The following MAST4 variants were observed in gnomAD, a reference collection of about 807,000 sequenced individuals.
MAST4 encodes microtubule-associated serine/threonine-protein kinase 4.
In MAST4, 89 loss-of-function variants were observed where a neutral mutation model predicts 162.7. That is an observed-to-expected ratio of 0.55 (90% CI 0.46 to 0.65). The LOEUF is 0.65. Among genes scored for constraint, MAST4 ranks in the 30% least tolerant of loss-of-function variants. The pLI, the probability that MAST4 is intolerant of heterozygous loss-of-function variation, is 0.00. For missense variants in MAST4, 3,153 were observed against 3,374.0 expected (o/e 0.93, Z 1.62); for synonymous variants, 1,479 against 1,361.1 (o/e 1.09, Z -1.91).
chr5:67,114,583 A>G (rs1034624919), intron 12 of MAST4: 4 of 195,856 alleles, frequency 2.0e-5, no homozygotes, highest in African/African-American at 7.1e-5. Flanking sequence ...AAATGTTGCT[A>G]AAGAAATTAT....
At chr5:66,993,388 C>T (rs1276577430) in intron 4 of MAST4, among the ~76,000 whole-genome samples, 4 of 152,160 alleles carry the variant, frequency 2.6e-5, no homozygotes, top group East Asian at 1.9e-4. Context: ...TGAATAGAAA[C>T]GGTCCTTGTA....
chr5:67,145,564 C>T (rs1454768036), intron 23 of MAST4, among the ~76,000 whole-genome samples, 185 bp downstream of exon 23: 1 of 152,232 alleles, frequency 6.6e-6, no homozygotes, highest in Non-Finnish European at 1.5e-5. Flanking sequence ...ATGTCTCAGA[C>T]CCCTCCTCAG....
intron 9 of MAST4, among the ~76,000 whole-genome samples, chr5:67,103,283 C>A (rs2545391): frequency 0.39 from 58,973 of 151,986 alleles, 14,884 homozygotes; most frequent in African/African-American, 0.72. Context: ...GGAGAAGGCC[C>A]CTCTCCACGT....
intron 1 of MAST4, among the ~76,000 whole-genome samples, chr5:66,599,918 GGTGTGT>G (rs58314259): frequency 4.7e-5 from 7 of 149,974 alleles, no homozygotes; most frequent in East Asian, 2.0e-4. Context: ...TTTCTAAAGG[GGTGTGT>G]GTGTGTGTGT....
At chr5:66,673,044 T>C (rs1747707458) in intron 1 of MAST4, among the ~76,000 whole-genome samples, 1 of 152,192 alleles carries the variant, frequency 6.6e-6, no homozygotes, top group African/African-American at 2.4e-5. Flanking sequence ...TTACCATTGT[T>C]TGAGCATGTC....
intron 3 of MAST4, among the ~76,000 whole-genome samples, chr5:66,793,080 C>G (rs1755493219): frequency 6.6e-6 from 1 of 152,164 alleles, no homozygotes; most frequent in Non-Finnish European, 1.5e-5. Flanking sequence ...AATGCATGAC[C>G]TTTAGTGATT....
At chr5:67,145,011 T>C in intron 22 of MAST4, 133 bp from the exon 23 acceptor site, 1 of 898,740 alleles carries the variant, frequency 1.1e-6, no homozygotes, top group East Asian at 2.6e-5. Context: ...GTACCACACA[T>C]TAAGAACCAT....
At chr5:66,685,280 A>ACAAAAC (rs1197527346) in intron 1 of MAST4, among the ~76,000 whole-genome samples, 15 of 122,016 alleles carry the variant, frequency 1.2e-4, no homozygotes, top group African/African-American at 2.7e-5. Flanking sequence ...ACAAAACAAA[A>ACAAAAC]CAAAACAAAA....
chr5:67,012,459 T>C (rs1040375113), intron 4 of MAST4, among the ~76,000 whole-genome samples: 7 of 152,226 alleles, frequency 4.6e-5, no homozygotes, highest in African/African-American at 1.7e-4. Flanking sequence ...ATCTGAGCTG[T>C]CTTCACTACC....
intron 1 of MAST4, among the ~76,000 whole-genome samples, chr5:66,718,792 C>G (rs1411074024): frequency 6.6e-6 from 1 of 152,140 alleles, no homozygotes; most frequent in African/African-American, 2.4e-5. Context: ...AGGGCTTGTT[C>G]CCTCTTGTTC....
At chr5:66,702,887 G>A (rs1272190953) in intron 1 of MAST4, among the ~76,000 whole-genome samples, 1 of 152,200 alleles carries the variant, frequency 6.6e-6, no homozygotes, top group Non-Finnish European at 1.5e-5. Flanking sequence ...TGGCTGCTGT[G>A]TTGAGAATAG....
intron 3 of MAST4, among the ~76,000 whole-genome samples, chr5:66,797,676 G>A (rs1755718233): frequency 6.6e-6 from 1 of 152,206 alleles, no homozygotes; most frequent in Non-Finnish European, 1.5e-5. Context: ...TTGCAGCCAT[G>A]AGAATTCATA....
intron 4 of MAST4, among the ~76,000 whole-genome samples, chr5:66,911,288 A>T (rs1047704667): frequency 1.3e-5 from 2 of 152,148 alleles, no homozygotes; most frequent in South Asian, 4.1e-4. Flanking sequence ...GAGAGGAAAA[A>T]GTTTTACTGA....
intron 13 of MAST4, among the ~76,000 whole-genome samples, chr5:67,120,451 T>G (rs1767440466): frequency 6.6e-6 from 1 of 152,240 alleles, no homozygotes; most frequent in Non-Finnish European, 1.5e-5. Context: ...ATTCCCATCC[T>G]TTGAGCTAAA....
intron 3 of MAST4, among the ~76,000 whole-genome samples, chr5:66,894,864 A>G (rs1460646672): frequency 6.6e-6 from 1 of 152,080 alleles, no homozygotes; most frequent in African/African-American, 2.4e-5. Context: ...TATACTAGTG[A>G]GGGAGCCAAT....
At chr5:66,948,035 T>C (rs750016404) in intron 4 of MAST4, among the ~76,000 whole-genome samples, 18 of 152,274 alleles carry the variant, frequency 1.2e-4, no homozygotes, top group East Asian at 1.9e-4. Flanking sequence ...GTCTCTCTTA[T>C]GCACAAGCCA....
At chr5:67,001,786 C>T (rs763789514) in intron 4 of MAST4, 1 of 152,194 alleles carries the variant, frequency 6.6e-6, no homozygotes, top group Admixed American at 6.5e-5. Flanking sequence ...ACTGTATCTC[C>T]TTCAAGTTTT....
At chr5:66,806,068 T>A (rs1290252654) in intron 3 of MAST4, among the ~76,000 whole-genome samples, 1 of 152,214 alleles carries the variant, frequency 6.6e-6, no homozygotes, top group African/African-American at 2.4e-5. Context: ...GAAACATTAA[T>A]GACTGCACCA....
In MAST4 at chr5:67,152,658, T is replaced by C. The variant is rs1156910143; in HGVS notation, c.3317T>C (p.Leu1106Pro). The change falls in exon 25 of 29, where the codon CTG (leucine) becomes CCG (proline). Residue 1106 changes from leucine to proline, a missense_variant. Physicochemically the swap from Leu to Pro is moderately conservative, Grantham distance 98 (BLOSUM62 -3). Around this residue, in one of 7 missense-constraint regions of MAST4, gnomAD observed 619 missense variants for 744.2 expected, o/e 0.83. Coordinates refer to ENST00000403625, the MANE Select transcript of MAST4 (RefSeq NM_001164664.2). ...IPGDMFAVSP[L>P]GSPMSPHSLS... is the part of the protein sequence containing the mutation. ...ACAGATATGTTTGCTGTTTCCCCTC[T>C]GGGAAGTCCAATGTCTCCCCATTCC... The C allele has an allele frequency of 6.2e-7, 1 of 1,614,042 alleles. No homozygotes were observed. Among genetic ancestry groups the C allele is most frequent in the Admixed American group, 1.7e-5 (1 of 60,036 alleles).
Sources: allele counts gnomAD v4.1 joint callset (sites outside exome capture counted in the v4.1 genomes callset), GRCh38; gene constraint gnomAD v4.1.1; regional missense constraint gnomAD v4.1.1; transcripts MANE v1.5; gene names NCBI Gene and HGNC (gene_info 2026-07-23, HGNC 2026-07-21).